Variants in SYNE1 observed in about 807,000 individuals in gnomAD.
SYNE1 encodes the protein nesprin-1.
In SYNE1, 616 loss-of-function variants were observed where a neutral mutation model predicts 1,111.0. That is an observed-to-expected ratio of 0.55 (90% confidence interval 0.52 to 0.59). SYNE1 has a LOEUF of 0.59. Among genes scored for constraint, SYNE1 ranks in the 20% least tolerant of loss-of-function variants. The pLI is 0.00. For synonymous variants in SYNE1, 3,855 were observed against 3,825.8 expected (o/e 1.01, Z -0.28); for missense variants, 10,006 against 10,417.0 (o/e 0.96, Z 1.72).
At position 152,352,044 on chromosome 6, in the gene SYNE1, G is replaced by C; in HGVS notation, c.11563C>G (p.Gln3855Glu). 6.2e-7 allele frequency: 1 copy of C among 1,614,074 alleles called. No individual in the cohort carries two copies. Reference sequence around the variant, plus strand: ...CACACTACCTTGTATTTAGATAACTGAGCTTTTTTCTCATATAATTCCATT... The same window carrying C: ...CACACTACCTTGTATTTAGATAACTCAGCTTTTTTCTCATATAATTCCATT... ...PKMELYEKKA[Q>E]LSKYKSLQQT... The change falls in exon 70 of 146, where the codon CAG (glutamine) becomes GAG (glutamate). Residue 3855 changes from glutamine to glutamate, a missense_variant. Gln to Glu is a conservative substitution (Grantham distance 29). Transcript: ENST00000367255.
At position 152,230,665 on chromosome 6, in the gene SYNE1, T is replaced by G. The variant is rs777755452; in HGVS notation, c.21077A>C (p.Glu7026Ala). Residue 7026 changes from glutamate to alanine, a missense_variant, in exon 115 of 146, where the codon GAA (glutamate) becomes GCA (alanine). By Grantham distance (107) the Glu-to-Ala change is moderately radical. Transcript: ENST00000367255. ...CAGACATTGTACATTATTTTCATAT[T>G]CTGACCAAGATTCCAATAAGCCTTC... is the stretch of plus-strand genomic sequence containing the variant. Reference protein sequence around the residue: ...LLEGLLESWSEYENNVQCLKT... With the variant: ...LLEGLLESWSAYENNVQCLKT... 1.3e-5 allele frequency: 21 copies of G among 1,613,952 alleles called. No individual in the cohort carries two copies. Among genetic ancestry groups the G allele is most frequent in the Admixed American group, 3.3e-5 (2 of 60,004 alleles).
intron 3 of SYNE1, among the ~76,000 whole-genome samples, chr6:152,614,406 A>G (rs2128829629): frequency 6.6e-6 from 1 of 152,354 alleles, no homozygotes; most frequent in South Asian, 2.1e-4. Context: ...TTGTCATCAG[A>G]AAAATGCAAA....
chr6:152,605,027 A>AGGGGGG (rs1277805800), intron 3 of SYNE1, among the ~76,000 whole-genome samples: 1 of 67,740 alleles, frequency 1.5e-5, no homozygotes, highest in Non-Finnish European at 2.7e-5. Context: ...AGAGAGAGAG[A>AGGGGGG]GAGAGAGAGG....
At chr6:152,202,727 A>G (rs1412780370) in intron 126 of SYNE1, among the ~76,000 whole-genome samples, 1 of 152,088 alleles carries the variant, frequency 6.6e-6, no homozygotes, top group Non-Finnish European at 1.5e-5. Context: ...AACCCCATCC[A>G]TAACTACACC....
At chr6:152,267,244 G>A (rs2092801793) in intron 100 of SYNE1, among the ~76,000 whole-genome samples, 4 of 152,008 alleles carry the variant, frequency 2.6e-5, no homozygotes, top group Admixed American at 2.6e-4. Flanking sequence ...AAAGTTATTT[G>A]CCAAAGGATA....
At chr6:152,362,981 C>A (rs182801910) in intron 63 of SYNE1, among the ~76,000 whole-genome samples, 4 of 151,110 alleles carry the variant, frequency 2.6e-5, no homozygotes, top group African/African-American at 9.7e-5. Flanking sequence ...CCCGGGTTCA[C>A]GCCATTCTCC....
At chr6:152,534,512 T>A (rs996933116) in intron 4 of SYNE1, among the ~76,000 whole-genome samples, 1 of 152,208 alleles carries the variant, frequency 6.6e-6, no homozygotes, top group Non-Finnish European at 1.5e-5. Flanking sequence ...ATATTTGTTA[T>A]ATAAGATGAT....
chr6:152,390,312 A>T lies in SYNE1; in HGVS notation c.8145T>A (p.Ala2715=). Residue 2715 remains alanine (A), a synonymous_variant, in exon 53 of 146, where the codon GCT becomes GCA. Transcript: ENST00000367255. ...TQLETLKEVW[A]DIMSSSVHAQ... is the part of the protein sequence containing the mutation. ...CGTGGACGGAGGAGCTCATGATGTC[A>T]GCCCACACTTCTTTAAGGGTCTCTA... 1 of 1,614,144 alleles carries T rather than the reference A, an allele frequency of 6.2e-7. No individual in the cohort carries two copies. Among genetic ancestry groups the T allele is most frequent in the Non-Finnish European group, 8.5e-7 (1 of 1,180,008 alleles).
In SYNE1 at chr6:152,539,944, G is replaced by A; in HGVS notation, c.129+16C>T. The A allele has an allele frequency of 3.1e-6, 5 of 1,613,614 alleles. No homozygotes were observed. Among genetic ancestry groups the A allele is most frequent in the Non-Finnish European group, 4.2e-6 (5 of 1,179,658 alleles). ...TCAACCTAAGTAAACCTGTAATGCT[G>A]GGTAGTTTCCTTTACCTTGGCCAGA... On this transcript the variant is annotated intron_variant, in intron 4 of 145. Transcript: ENST00000367255.
At chr6:152,476,396 A>C (rs573916110) in intron 14 of SYNE1, among the ~76,000 whole-genome samples, 4 of 152,162 alleles carry the variant, frequency 2.6e-5, no homozygotes, top group Non-Finnish European at 5.9e-5. Context: ...TAATGCTGAA[A>C]ATTGTTCTGC....
chr6:152,567,568 AAAG>A (rs557315619), intron 3 of SYNE1, among the ~76,000 whole-genome samples: 31 of 152,292 alleles, frequency 2.0e-4, no homozygotes, highest in South Asian at 1.0e-3. Context: ...GAGAAGAATA[AAAG>A]AAGAACAGAG....
chr6:152,433,683 T>C, intron 34 of SYNE1, 112 bp downstream of exon 34: 3 of 1,256,182 alleles, frequency 2.4e-6, no homozygotes, highest in Non-Finnish European at 3.5e-6. Context: ...ATTTTAATAG[T>C]CACATTGCAA....
chr6:152,388,415 T>G (rs930162100), intron 53 of SYNE1, among the ~76,000 whole-genome samples: 12 of 152,264 alleles, frequency 7.9e-5, no homozygotes, highest in Non-Finnish European at 1.3e-4. Flanking sequence ...GCCTGGCTAA[T>G]TTTTATATTT....
intron 2 of SYNE1, among the ~76,000 whole-genome samples, chr6:152,634,070 C>T (rs2099702228): frequency 6.6e-6 from 1 of 152,232 alleles, no homozygotes; most frequent in Non-Finnish European, 1.5e-5. Context: ...GACATTGGCT[C>T]TTAAAGCAGT....
chr6:152,204,506 TACTA>T (rs1305901744), intron 126 of SYNE1, among the ~76,000 whole-genome samples: 1 of 152,186 alleles, frequency 6.6e-6, no homozygotes, highest in East Asian at 1.9e-4. Context: ...TTGGCATACT[TACTA>T]ACAGTATTAA....
chr6:152,516,753 G>C (rs899893199), intron 6 of SYNE1, among the ~76,000 whole-genome samples: 1 of 151,974 alleles, frequency 6.6e-6, no homozygotes, highest in Admixed American at 6.6e-5. Flanking sequence ...TAATTTGTTT[G>C]TTTGTTTGTT....
At chr6:152,230,237 T>C (rs568467924) in intron 115 of SYNE1, among the ~76,000 whole-genome samples, 81 of 152,258 alleles carry the variant, frequency 5.3e-4, no homozygotes, top group Admixed American at 1.8e-3. Flanking sequence ...GGTTTCACCA[T>C]GTTGCCCAGG....
intron 43 of SYNE1, 125 bp downstream of exon 43, chr6:152,409,434 G>A: frequency 7.4e-7 from 1 of 1,348,630 alleles, no homozygotes; most frequent in Non-Finnish European, 1.0e-6. Flanking sequence ...AAAAAAAGTT[G>A]AGCTCATTAG....
chr6:152,498,610 C>G (rs541416037), intron 11 of SYNE1, 132 bp downstream of exon 11: 1 of 534,732 alleles, frequency 1.9e-6, no homozygotes, highest in African/African-American at 2.0e-5. Flanking sequence ...AGAAAGGAAA[C>G]GCAAATGATG....
Sources: allele counts gnomAD v4.1 joint callset (sites outside exome capture counted in the v4.1 genomes callset), GRCh38; gene constraint gnomAD v4.1.1; transcripts MANE v1.5; gene names NCBI Gene and HGNC (gene_info 2026-07-23, HGNC 2026-07-21).